BACE2: variants seen among roughly 807,000 people sequenced by gnomAD.
The protein encoded by BACE2 is 56 kDa aspartic-like protease.
In BACE2, 17 loss-of-function variants were observed where a neutral mutation model predicts 46.2. The ratio of observed to expected loss-of-function variants is 0.37; its 90% CI spans 0.25 to 0.55. The LOEUF is 0.55. Ranked by LOEUF, BACE2 falls within the 20% of genes least tolerant of loss-of-function variation. BACE2 has a pLI of 0.82. For synonymous variants in BACE2, 277 were observed against 295.9 expected, an observed-to-expected ratio of 0.94 and a Z score of 0.66; for missense variants, 595 against 698.1, an observed-to-expected ratio of 0.85 and a Z score of 1.66.
At chr21:41,186,784 G>C (rs932940511) in intron 1 of BACE2, 2 of 152,288 alleles carry the variant, frequency 1.3e-5, no homozygotes, top group African/African-American at 2.4e-5. Flanking sequence ...TGTGCCCTGA[G>C]TAGCAGCTCA....
At chr21:41,210,248 G>C (rs1185585352) in intron 1 of BACE2, among the ~76,000 whole-genome samples, 1 of 151,834 alleles carries the variant, frequency 6.6e-6, no homozygotes, top group Admixed American at 6.6e-5. Context: ...TTTTTGCCAA[G>C]GAGACCCCCC....
chr21:41,209,602 A>G (rs2410406), intron 1 of BACE2, among the ~76,000 whole-genome samples: 4 of 152,060 alleles, frequency 2.6e-5, no homozygotes, highest in Non-Finnish European at 4.4e-5. Context: ...AGGTGCTTTT[A>G]TAGAGGCAGG....
chr21:41,213,694 A>C (rs1186202042), intron 1 of BACE2, among the ~76,000 whole-genome samples: 1 of 152,062 alleles, frequency 6.6e-6, no homozygotes, highest in African/African-American at 2.4e-5. Flanking sequence ...GAGTCGCTTG[A>C]ACCCGGGAGG....
chr21:41,259,588 G>A (rs1987876616), intron 8 of BACE2, among the ~76,000 whole-genome samples: 2 of 151,204 alleles, frequency 1.3e-5, no homozygotes, highest in Admixed American at 6.6e-5. Flanking sequence ...ATTTGTCTTA[G>A]AAATAAAAAA....
intron 1 of BACE2, chr21:41,186,575 TC>T (rs1454286620): frequency 1.3e-5 from 2 of 152,524 alleles, no homozygotes; most frequent in Non-Finnish European, 2.9e-5. Context: ...ATCTCCGCTG[TC>T]CTTGTCCCTT....
intron 1 of BACE2, among the ~76,000 whole-genome samples, chr21:41,211,908 A>C (rs772997866): frequency 1.3e-5 from 2 of 152,260 alleles, no homozygotes; most frequent in African/African-American, 2.4e-5. Flanking sequence ...CCAGAGATTA[A>C]GAAGGGACAG....
chr21:41,175,539 G>A (rs1273253453), intron 1 of BACE2: 1 of 152,422 alleles, frequency 6.6e-6, no homozygotes, highest in Non-Finnish European at 1.5e-5. Context: ...GTTGGCAGCA[G>A]GCAGGAGACT....
rs1378187934 is a variant in BACE2, at chr21:41,257,012, T to C, written c.1135-146T>C. The C allele has an allele frequency of 5.0e-6, 4 of 802,200 alleles. No homozygotes were observed. The African/African-American group carries it at 5.2e-5, about 10-fold the overall frequency. 49.7% of individuals were successfully genotyped at this position (802,200 alleles called of 1,614,324 possible). A position where few individuals can be genotyped will look rare whatever the true frequency, so the allele number is the denominator to read the frequency against. On this transcript the variant is annotated intron_variant, in intron 7 of 8. Transcript: ENST00000330333. ...GCTTTTGATCTTCTCTCCTCCTGGA[T>C]GGCAGGGTGAGATCATCTTTCTTCT...
At chr21:41,201,560 A>G (rs1601260980) in intron 1 of BACE2, among the ~76,000 whole-genome samples, 1 of 152,244 alleles carries the variant, frequency 6.6e-6, no homozygotes, top group Non-Finnish European at 1.5e-5. Context: ...TGGGAAGTTC[A>G]TTGATCTTCA....
chr21:41,184,855 C>A (rs1427599099), intron 1 of BACE2: 1 of 167,034 alleles, frequency 6.0e-6, no homozygotes, highest in Non-Finnish European at 1.5e-5. Flanking sequence ...AAAGCCTGTA[C>A]ATAAGGGATC....
chr21:41,248,921 T>G lies in BACE2; in HGVS notation c.985-1831T>G, dbSNP rs1052317697. ...TCTATAAGACTCTTCTCCCTCCTCC[T>G]TGGACTCTCCCTGTCCCTGTGCCCC... On this transcript the variant is annotated intron_variant, in intron 6 of 8. Coordinates refer to ENST00000330333, the MANE Select transcript of BACE2 (RefSeq NM_012105.5). 3.9e-5 allele frequency among the ~76,000 whole-genome samples: 6 copies of G among 152,218 alleles called. No homozygotes were observed. In the East Asian group the frequency reaches 1.2e-3, roughly 29 times the overall value.
At chr21:41,200,044 TG>T (rs1985902554) in intron 1 of BACE2, among the ~76,000 whole-genome samples, 1 of 49,322 alleles carries the variant, frequency 2.0e-5, no homozygotes, top group Non-Finnish European at 4.0e-5. Context: ...TGTTGTGGGG[TG>T]GGGGGAGGGG....
At chr21:41,235,792 G>A (rs1383481878) in intron 2 of BACE2, among the ~76,000 whole-genome samples, 4 of 152,254 alleles carry the variant, frequency 2.6e-5, no homozygotes, top group African/African-American at 9.6e-5. Context: ...TGTGAGCCAT[G>A]ATTGCGCTAT....
At chr21:41,185,061 G>A (rs1317278234) in intron 1 of BACE2, 6 of 166,976 alleles carry the variant, frequency 3.6e-5, no homozygotes, top group East Asian at 1.9e-4. Context: ...ACACCCTAGC[G>A]GCGAGTCCCT....
In BACE2 at chr21:41,179,492, G is replaced by C. The variant is rs202208290; in HGVS notation, c.312+10917G>C. 115 of 1,347,442 alleles carry C rather than the reference G, an allele frequency of 8.5e-5. No individual in the cohort carries two copies. In the African/African-American group the frequency reaches 1.7e-3, roughly 20 times the overall value. 83.5% of individuals were successfully genotyped at this position (1,347,442 alleles called of 1,614,324 possible). A position where few individuals can be genotyped will look rare whatever the true frequency, so the allele number is the denominator to read the frequency against. ...TGCAGAGTGAGGTGTCCAGGGTGAGGAGTGACGGTGTCTGGGGTGAGTGAG... is the reference window on the plus strand; with the variant it reads ...TGCAGAGTGAGGTGTCCAGGGTGAGCAGTGACGGTGTCTGGGGTGAGTGAG... On this transcript the variant is annotated intron_variant, in intron 1 of 8. Coordinates refer to ENST00000330333, the MANE Select transcript of BACE2 (RefSeq NM_012105.5).
At chr21:41,255,548 C>CTT (rs959128440) in intron 7 of BACE2, among the ~76,000 whole-genome samples, 1 of 152,184 alleles carries the variant, frequency 6.6e-6, no homozygotes, top group Non-Finnish European at 1.5e-5. Flanking sequence ...TAGAGGGTGT[C>CTT]TGTGGGGGCA....
rs183495625 is a variant in BACE2, at chr21:41,215,383, C to G, written c.313-10883C>G. Among the ~76,000 whole-genome samples the G allele has an allele frequency of 8.9e-3, 1,352 of 152,282 alleles. 15 individuals are homozygous for G. Among genetic ancestry groups the G allele is most frequent in the Admixed American group, 0.014 (211 of 15,304 alleles). On this transcript the variant is annotated intron_variant, in intron 1 of 8. Coordinates refer to ENST00000330333, the MANE Select transcript of BACE2 (RefSeq NM_012105.5). ...GGTCCTGGTGGACAGGCCATTCTCC[C>G]TACTAGATGCTGCACTCTGCAGGGG...
intron 1 of BACE2, among the ~76,000 whole-genome samples, chr21:41,169,182 G>A (rs1297345717): frequency 6.6e-6 from 1 of 151,972 alleles, no homozygotes; most frequent in Non-Finnish European, 1.5e-5. Context: ...TCCTTTCTCG[G>A]AGTTGGTTTG....
intron 3 of BACE2, 63 bp downstream of exon 3, chr21:41,237,792 T>G: frequency 7.1e-7 from 1 of 1,411,908 alleles, no homozygotes; most frequent in Non-Finnish European, 1.0e-6. Context: ...AAATCAGTCA[T>G]TAAAGGGCTG....
Sources: allele counts gnomAD v4.1 joint callset (sites outside exome capture counted in the v4.1 genomes callset), GRCh38; gene constraint gnomAD v4.1.1; transcripts MANE v1.5; gene names NCBI Gene and HGNC (gene_info 2026-07-23, HGNC 2026-07-21).